ARHGAP32: variants seen among roughly 807,000 people sequenced by gnomAD.
ARHGAP32 encodes the protein rho GTPase-activating protein 32.
In ARHGAP32, 51 loss-of-function variants were observed where a neutral mutation model predicts 186.5. The ratio of observed to expected loss-of-function variants is 0.27; its 90% confidence interval spans 0.22 to 0.35. The LOEUF is 0.35. Ranked by LOEUF, ARHGAP32 falls within the 10% of genes least tolerant of loss-of-function variation. The pLI, the probability that ARHGAP32 is intolerant of heterozygous loss-of-function variation, is 1.00. For missense variants in ARHGAP32, 2,186 were observed against 2,623.5 expected (o/e 0.83, Z 3.64); for synonymous variants, 950 against 964.3 (o/e 0.99, Z 0.27).
chr11:129,235,122 G>T (rs772912520), intron 1 of ARHGAP32, among the ~76,000 whole-genome samples: 1 of 152,110 alleles, frequency 6.6e-6, no homozygotes, highest in East Asian at 1.9e-4. Flanking sequence ...AAAAGAGAAG[G>T]CCACGTGAAG....
At chr11:129,002,973 TA>T (rs1180801125) in intron 11 of ARHGAP32, among the ~76,000 whole-genome samples, 3 of 152,040 alleles carry the variant, frequency 2.0e-5, no homozygotes, top group African/African-American at 7.2e-5. Flanking sequence ...TACGCCCGGC[TA>T]ACTTTTTGTA....
chr11:129,204,866 T>A (rs1944496860), intron 1 of ARHGAP32, among the ~76,000 whole-genome samples: 1 of 152,200 alleles, frequency 6.6e-6, no homozygotes, highest in Non-Finnish European at 1.5e-5. Context: ...GTAAGTGTAC[T>A]ACTATTCTGG....
chr11:129,121,111 C>T (rs1252509672), intron 5 of ARHGAP32, among the ~76,000 whole-genome samples: 2 of 151,666 alleles, frequency 1.3e-5, no homozygotes, highest in African/African-American at 2.4e-5. Context: ...AGAACTGAGA[C>T]ATAGGAACTT....
At chr11:129,007,758 A>G (rs1321464550) in intron 11 of ARHGAP32, among the ~76,000 whole-genome samples, 1 of 152,104 alleles carries the variant, frequency 6.6e-6, no homozygotes, top group Non-Finnish European at 1.5e-5. Flanking sequence ...CCTCAAGTCC[A>G]TTGGCTCTGG....
Position 129,192,278 on chromosome 11 carries a change from T to C in ARHGAP32, c.-80A>G. 1 of 918,674 alleles carries C rather than the reference T, an allele frequency of 1.1e-6. No homozygotes were observed. Among genetic ancestry groups the C allele is most frequent in the South Asian group, 1.4e-5 (1 of 72,128 alleles). 56.9% of individuals were successfully genotyped at this position (918,674 alleles called of 1,614,324 possible). On this transcript the variant is annotated 5_prime_UTR_variant, in exon 1 of 23. Coordinates refer to ENST00000682385, the MANE Select transcript of ARHGAP32 (RefSeq NM_001378024.1). ...CAACATTCAGGTTGTTCAGCTCTACTCATGTATACTCAGATGTGTGTCTGG... is the reference window on the plus strand; with the variant it reads ...CAACATTCAGGTTGTTCAGCTCTACCCATGTATACTCAGATGTGTGTCTGG...
intron 5 of ARHGAP32, among the ~76,000 whole-genome samples, chr11:129,119,508 A>T (rs1381958065): frequency 2.0e-5 from 3 of 152,114 alleles, no homozygotes; most frequent in Admixed American, 2.0e-4. Flanking sequence ...AAACTCATTC[A>T]TCCATTCATC....
chr11:129,146,460 G>A (rs541224940), intron 2 of ARHGAP32, among the ~76,000 whole-genome samples: 134 of 152,098 alleles, frequency 8.8e-4, no homozygotes, highest in African/African-American at 3.2e-3. Context: ...TATATACAGG[G>A]TTCAGTACTC....
chr11:129,014,427 T>C (rs1441782225), intron 11 of ARHGAP32, among the ~76,000 whole-genome samples: 1 of 152,216 alleles, frequency 6.6e-6, no homozygotes, highest in Non-Finnish European at 1.5e-5. Context: ...TTGCTCATAA[T>C]ACTTTCTCTA....
At chr11:129,243,005 A>G (rs1945040055) in intron 1 of ARHGAP32, among the ~76,000 whole-genome samples, 1 of 152,146 alleles carries the variant, frequency 6.6e-6, no homozygotes, top group African/African-American at 2.4e-5. Flanking sequence ...ATGCAACTTA[A>G]GTACAAATCC....
At chr11:129,087,643 A>C (rs1193560914) in intron 6 of ARHGAP32, among the ~76,000 whole-genome samples, 1 of 152,222 alleles carries the variant, frequency 6.6e-6, no homozygotes, top group Non-Finnish European at 1.5e-5. Flanking sequence ...ACTATTCTGT[A>C]TGATACTATA....
At position 128,974,194 on chromosome 11, in the gene ARHGAP32, C is replaced by T. The variant is rs764616292; in HGVS notation, c.3003G>A (p.Leu1001=). The T allele has an allele frequency of 6.8e-6, 11 of 1,614,090 alleles. No individual in the cohort carries two copies. The East Asian group carries it at 1.1e-4, about 16-fold the overall frequency. Residue 1001 remains leucine (L), a synonymous_variant, in exon 21 of 23, where the codon TTG becomes TTA. Coordinates refer to ENST00000682385, the MANE Select transcript of ARHGAP32 (RefSeq NM_001378024.1). ...LDQVAAEEVE[L]PGKEDQSVSS... ...AGACAGACTGATCCTCTTTCCCTGG[C>T]AATTCTACTTCTTCAGCAGCCACCT... is the stretch of plus-strand genomic sequence containing the variant.
intron 11 of ARHGAP32, among the ~76,000 whole-genome samples, chr11:129,021,157 G>A (rs1314052088): frequency 2.6e-5 from 4 of 152,002 alleles, no homozygotes; most frequent in African/African-American, 7.2e-5. Flanking sequence ...AATTATGAGA[G>A]AAGAGTAGAC....
chr11:129,254,937 G>T (rs1222940823), intron 1 of ARHGAP32, among the ~76,000 whole-genome samples: 1 of 152,114 alleles, frequency 6.6e-6, no homozygotes, highest in Non-Finnish European at 1.5e-5. Context: ...GAGGCTAGAA[G>T]TCTAGCTAGG....
At chr11:129,242,735 A>T (rs1945035975) in intron 1 of ARHGAP32, among the ~76,000 whole-genome samples, 1 of 151,934 alleles carries the variant, frequency 6.6e-6, no homozygotes, top group Admixed American at 6.6e-5. Flanking sequence ...AAAAAAGATA[A>T]AGAAAAAAGA....
At chr11:129,013,454 G>A (rs942304996) in intron 11 of ARHGAP32, among the ~76,000 whole-genome samples, 16 of 152,140 alleles carry the variant, frequency 1.1e-4, no homozygotes, top group African/African-American at 3.4e-4. Flanking sequence ...AAAGTCTTAC[G>A]TGATTCCAAA....
At chr11:128,997,389 T>C (rs1237651577) in intron 12 of ARHGAP32, among the ~76,000 whole-genome samples, 2 of 152,184 alleles carry the variant, frequency 1.3e-5, no homozygotes, top group Non-Finnish European at 1.5e-5. Flanking sequence ...AGACCTTAAT[T>C]TGAACTTGAT....
At chr11:129,224,312 T>G (rs1468518197) in intron 1 of ARHGAP32, among the ~76,000 whole-genome samples, 1 of 152,212 alleles carries the variant, frequency 6.6e-6, no homozygotes. Context: ...ATTAAAATCT[T>G]GGTAGTTCAA....
At chr11:129,156,219 G>A (rs372814377) in intron 2 of ARHGAP32, among the ~76,000 whole-genome samples, 52 of 152,152 alleles carry the variant, frequency 3.4e-4, no homozygotes, top group African/African-American at 1.1e-3. Flanking sequence ...CCCCAGTGGC[G>A]CCTGGAATGC....
At chr11:129,057,522 C>T (rs145978953) in intron 10 of ARHGAP32, among the ~76,000 whole-genome samples, 21 of 151,960 alleles carry the variant, frequency 1.4e-4, no homozygotes, top group Admixed American at 5.2e-4. Context: ...AATTCCTAAC[C>T]CCCAGAAACT....
Sources: allele counts gnomAD v4.1 joint callset (sites outside exome capture counted in the v4.1 genomes callset), GRCh38; gene constraint gnomAD v4.1.1; transcripts MANE v1.5; gene names NCBI Gene and HGNC (gene_info 2026-07-23, HGNC 2026-07-21).